Variants in KIR3DL2 observed in about 807,000 individuals in gnomAD.
KIR3DL2 encodes killer cell immunoglobulin like receptor, three Ig domains and long cytoplasmic tail 2, also known as killer cell immunoglobulin-like receptor 3DL2.
In KIR3DL2, 42 loss-of-function variants were observed where a neutral mutation model predicts 41.6. That is an observed-to-expected ratio of 1.01 (90% CI 0.79 to 1.31). The LOEUF is 1.31. Among genes scored for constraint, KIR3DL2 ranks in the 50% most tolerant of loss-of-function variants. The pLI is 0.00. For synonymous variants in KIR3DL2, 230 were observed against 221.3 expected, an observed-to-expected ratio of 1.04 and a Z score of -0.35; for missense variants, 728 against 576.8, an observed-to-expected ratio of 1.26 and a Z score of -2.68.
Position 54,855,681 on chromosome 19 carries a change from G to C in KIR3DL2, c.718G>C (p.Val240Leu). Residue 240 changes from valine (V) to leucine (L), a missense_variant, in exon 5 of 9, where the codon GTG becomes CTG. Physicochemically the swap from Val to Leu is conservative, Grantham distance 32. Coordinates refer to ENST00000326321, the MANE Select transcript of KIR3DL2 (RefSeq NM_006737.4). The stretch of plus-strand genomic sequence containing the variant: ...CCCCACGGTTCAGGCAGGAGAGAAC[G>C]TGACCTTGTCCTGTAGCTCCTGGAG... ...PGPTVQAGEN[V>L]TLSCSSWSSY... is the part of the protein sequence containing the mutation. 2 of 1,613,520 alleles carry C rather than the reference G, an allele frequency of 1.2e-6. No individual in the cohort carries two copies. The highest frequency in any genetic ancestry group is 2.2e-5 in the South Asian group (2 of 91,084).
At chr19:54,865,770 G>A (rs73618370) in intron 6 of KIR3DL2, 35 bp from the exon 7 acceptor site, 1 of 1,539,522 alleles carries the variant, frequency 6.5e-7, no homozygotes, top group South Asian at 1.1e-5. Context: ...GAACTGCTAT[G>A]ATTAGCTTCT....
At chr19:54,859,618 C>T (rs2065032600) in intron 6 of KIR3DL2, among the ~76,000 whole-genome samples, 1 of 151,862 alleles carries the variant, frequency 6.6e-6, no homozygotes, top group Admixed American at 6.6e-5. Flanking sequence ...CTCAGTGACT[C>T]ATTCAGCCAC....
In KIR3DL2 at chr19:54,852,296, T is replaced by C. The variant is rs111687851; in HGVS notation, c.355+14T>C. On this transcript the variant is annotated intron_variant, in intron 3 of 8. Transcript: ENST00000326321. The stretch of plus-strand genomic sequence containing the variant: ...TCATGGTCACAGGTCAGAGGCTTTC[T>C]GTCTGGGCTTCTCACTGTCCCACCT... 1,172 of 1,601,356 alleles carry C rather than the reference T, an allele frequency of 7.3e-4. 31 individuals are homozygous for C. In the African/African-American group the frequency reaches 0.01, roughly 14 times the overall value.
At chr19:54,856,554 T>C (rs367723601) in intron 5 of KIR3DL2, among the ~76,000 whole-genome samples, 3 of 151,870 alleles carry the variant, frequency 2.0e-5, no homozygotes, top group Non-Finnish European at 2.9e-5. Flanking sequence ...CATGCCGGCA[T>C]GCACCTGTAG....
In KIR3DL2 at chr19:54,859,716, G is replaced by A. The variant is rs1220945828; in HGVS notation, c.1000+587G>A. Among the ~76,000 whole-genome samples, 5 of 151,770 alleles carry A rather than the reference G, an allele frequency of 3.3e-5. No homozygotes were observed. The South Asian group carries it at 6.3e-4, about 19-fold the overall frequency. The stretch of plus-strand genomic sequence containing the variant: ...CAAGATTCGTGTGTGAAAACAAAAC[G>A]GTTATTTAATTATCTTACAGTGCTG... On this transcript the variant is annotated intron_variant, in intron 6 of 8. Coordinates refer to ENST00000326321, the MANE Select transcript of KIR3DL2 (RefSeq NM_006737.4).
rs4020217 is a variant in KIR3DL2, at chr19:54,855,061, AAGAT to A, written c.656-550_656-547del. Among the ~76,000 whole-genome samples, 524 of 148,274 alleles carry A rather than the reference AAGAT, an allele frequency of 3.5e-3. 17 individuals are homozygous for A. The highest frequency in any genetic ancestry group is 0.012 in the African/African-American group (484 of 39,608). On this transcript the variant is annotated intron_variant, in intron 4 of 8. Coordinates refer to ENST00000326321, the MANE Select transcript of KIR3DL2 (RefSeq NM_006737.4). The stretch of plus-strand genomic sequence containing the variant: ...CATAGAGATGATGATGATGATGATG[AAGAT>A]AGATAGAAGACACATATATAAATAT...
chr19:54,851,595 G>A (rs667271), intron 2 of KIR3DL2, among the ~76,000 whole-genome samples: 47,536 of 149,924 alleles, frequency 0.32, 8,387 homozygotes, highest in South Asian at 0.42. Flanking sequence ...GACGGTAGGG[G>A]CTGCAGTGTG....
rs1291644730 is a variant in KIR3DL2, at chr19:54,855,680, C to G, written c.717C>G (p.Asn239Lys). Residue 239 changes from asparagine (N) to lysine (K), a missense_variant, in exon 5 of 9, where the codon AAC becomes AAG. Transcript: ENST00000326321. ...GCCCCACGGTTCAGGCAGGAGAGAACGTGACCTTGTCCTGTAGCTCCTGGA... is the reference window on the plus strand; with the variant it reads ...GCCCCACGGTTCAGGCAGGAGAGAAGGTGACCTTGTCCTGTAGCTCCTGGA... Reference protein sequence around the residue: ...QPGPTVQAGENVTLSCSSWSS... With the variant: ...QPGPTVQAGEKVTLSCSSWSS... 8 of 1,607,502 alleles carry G rather than the reference C, an allele frequency of 5.0e-6. 1 individual carries two copies. The African/African-American group carries it at 1.1e-4, about 22-fold the overall frequency.
At position 54,852,262 on chromosome 19, in the gene KIR3DL2, C is replaced by A. The variant is rs1423205536; in HGVS notation, c.335C>A (p.Pro112His). Residue 112 changes from proline to histidine, a missense_variant, in exon 3 of 9, where the codon CCC becomes CAC. Physicochemically the swap from Pro to His is moderately conservative, Grantham distance 77 (BLOSUM62 -2). Coordinates refer to ENST00000326321, the MANE Select transcript of KIR3DL2 (RefSeq NM_006737.4). Reference sequence around the variant, plus strand: ...ACTGGGTGGTCGGCACCCAGCAACCCCCTGGTGATCATGGTCACAGGTCAG... The same window carrying A: ...ACTGGGTGGTCGGCACCCAGCAACCACCTGGTGATCATGGTCACAGGTCAG... ...SLTGWSAPSN[P>H]LVIMVTGNHR... 47 of 1,608,938 alleles carry A rather than the reference C, an allele frequency of 2.9e-5. 1 individual carries two copies. In the South Asian group the frequency reaches 4.7e-4, roughly 16 times the overall value.
chr19:54,851,997 G>C lies in KIR3DL2; in HGVS notation c.71-1G>C. ...TAAGGCAGTGCCTCCTTCTCCCCCA[G>C]GTGGTCAGGACAAACCCTTCCTGTC... is the stretch of plus-strand genomic sequence containing the variant. On this transcript the variant is annotated splice_acceptor_variant, in intron 2 of 8. Transcript: ENST00000326321. LOFTEE classifies it high-confidence loss of function. The C allele has an allele frequency of 6.2e-7, 1 of 1,609,004 alleles. No homozygotes were observed. The highest frequency in any genetic ancestry group is 8.5e-7 in the Non-Finnish European group (1 of 1,177,198).
intron 1 of KIR3DL2, among the ~76,000 whole-genome samples, chr19:54,850,946 C>T (rs62123363): frequency 1.3e-5 from 1 of 77,812 alleles, no homozygotes; most frequent in African/African-American, 3.7e-5. Context: ...GAGATATGGG[C>T]CTGGAGTGGA....
At position 54,867,154 on chromosome 19, in the gene KIR3DL2, T is replaced by G. The variant is rs949999944; in HGVS notation, c.*423T>G. 9.5e-6 allele frequency: 2 copies of G among 211,344 alleles called. No homozygotes were observed. The highest frequency in any genetic ancestry group is 4.7e-5 in the African/African-American group (2 of 42,384). 13.1% of individuals were successfully genotyped at this position (211,344 alleles called of 1,614,324 possible). ...TGTCATCAGTAAAATTTATAAATTT[T>G]TTTTATAACTTCAGTGTAGCTCTCT... On this transcript the variant is annotated 3_prime_UTR_variant, in exon 9 of 9. Transcript: ENST00000326321.
chr19:54,861,906 TTCC>T (rs2065204943), intron 6 of KIR3DL2, among the ~76,000 whole-genome samples: 3 of 151,548 alleles, frequency 2.0e-5, no homozygotes, highest in African/African-American at 7.3e-5. Context: ...ACAAGAAACT[TTCC>T]CCCTCACCCA....
Position 54,854,520 on chromosome 19 carries a change from G to A in KIR3DL2, c.655+474G>A, listed in dbSNP as rs1385755571. On this transcript the variant is annotated intron_variant, in intron 4 of 8. Transcript: ENST00000326321. The stretch of plus-strand genomic sequence containing the variant: ...TTCTGACACCTCTGCCTTCCATGCA[G>A]TGGAGCCATAATTATCCCAGGATAT... Among the ~76,000 whole-genome samples, 3 of 151,748 alleles carry A rather than the reference G, an allele frequency of 2.0e-5. 1 individual carries two copies. Among genetic ancestry groups the A allele is most frequent in the African/African-American group, 7.3e-5 (3 of 41,086 alleles).
intron 1 of KIR3DL2, 102 bp downstream of exon 1, chr19:54,850,611 G>T (rs1601708970): frequency 6.5e-7 from 1 of 1,535,140 alleles, no homozygotes; most frequent in East Asian, 2.3e-5. Flanking sequence ...CTGGAGTGGA[G>T]ATATGGGCCT....
At chr19:54,852,610 C>A (rs1443004602) in intron 3 of KIR3DL2, among the ~76,000 whole-genome samples, 1 of 150,432 alleles carries the variant, frequency 6.6e-6, no homozygotes, top group African/African-American at 2.4e-5. Flanking sequence ...CAAGGGTCCG[C>A]GTGAGAGGTG....
At chr19:54,866,288 C>T (rs1399380589) in intron 7 of KIR3DL2, 82 bp from the exon 8 acceptor site, 16 of 1,430,476 alleles carry the variant, frequency 1.1e-5, no homozygotes, top group Middle Eastern at 2.1e-4. Context: ...CTACAGCCTC[C>T]CCCTGTGGGT....
intron 6 of KIR3DL2, among the ~76,000 whole-genome samples, chr19:54,862,244 C>T (rs2065227337): frequency 6.6e-6 from 1 of 152,046 alleles, no homozygotes; most frequent in African/African-American, 2.4e-5. Flanking sequence ...TTCTACTTTG[C>T]TTTTTTGATC....
rs1273052426 is a variant in KIR3DL2, at chr19:54,855,753, C to A, written c.790C>A (p.Arg264Ser). Residue 264 changes from arginine to serine, a missense_variant, in exon 5 of 9, where the codon CGT (arginine) becomes AGT (serine). Coordinates refer to ENST00000326321, the MANE Select transcript of KIR3DL2 (RefSeq NM_006737.4). The part of the protein sequence containing the change: ...HLSREGEAHE[R>S]RLRAVPKVNR... ...GTCCAGGGAAGGGGAGGCCCATGAACGTAGGCTCCGTGCAGTGCCCAAGGT... is the reference window on the plus strand; with the variant it reads ...GTCCAGGGAAGGGGAGGCCCATGAAAGTAGGCTCCGTGCAGTGCCCAAGGT... 1 of 1,613,534 alleles carries A rather than the reference C, an allele frequency of 6.2e-7. No homozygotes were observed. The highest frequency in any genetic ancestry group is 8.5e-7 in the Non-Finnish European group (1 of 1,179,946).
Sources: allele counts gnomAD v4.1 joint callset (sites outside exome capture counted in the v4.1 genomes callset), GRCh38; gene constraint gnomAD v4.1.1; transcripts MANE v1.5; gene names NCBI Gene and HGNC (gene_info 2026-07-23, HGNC 2026-07-21).